SKAP1: variants seen among roughly 807,000 people sequenced by gnomAD.
SKAP1 encodes src kinase-associated phosphoprotein 1.
SKAP1 carries 44 observed loss-of-function variants against 58.5 expected under a neutral mutation model. The ratio of observed to expected loss-of-function variants is 0.75; its 90% CI spans 0.59 to 0.97. The LOEUF is 0.97. SKAP1 is among the 50% of genes least tolerant of loss of function. SKAP1 has a pLI of 0.00. For missense variants in SKAP1, 390 were observed against 435.2 expected (o/e 0.90, Z 0.92); for synonymous variants, 127 against 149.7 (o/e 0.85, Z 1.11).
At chr17:48,158,567 C>CAAAAAAAAAAAAAAAA (rs1171183021) in intron 11 of SKAP1, among the ~76,000 whole-genome samples, 3 of 61,520 alleles carry the variant, frequency 4.9e-5, no homozygotes, top group African/African-American at 6.8e-5. Flanking sequence ...GACTCTGTCT[C>CAAAAAAAAAAAAAAAA]AAAAAAAAAA....
intron 3 of SKAP1, among the ~76,000 whole-genome samples, chr17:48,361,119 CT>C (rs2066931511): frequency 1.3e-5 from 2 of 151,472 alleles, no homozygotes; most frequent in Non-Finnish European, 2.9e-5. Flanking sequence ...CTATACTATA[CT>C]ATACTGTACA....
chr17:48,359,109 A>G (rs7210802), intron 3 of SKAP1, among the ~76,000 whole-genome samples: 54 of 152,298 alleles, frequency 3.5e-4, no homozygotes, highest in African/African-American at 1.2e-3. Flanking sequence ...TTTTTAATCA[A>G]TCTCAACCTT....
At chr17:48,351,512 T>A (rs1010369285) in intron 3 of SKAP1, among the ~76,000 whole-genome samples, 3 of 151,922 alleles carry the variant, frequency 2.0e-5, no homozygotes, top group Non-Finnish European at 4.4e-5. Flanking sequence ...TGGCAGTGAG[T>A]GTAATGGTAC....
chr17:48,260,096 A>G lies in SKAP1; in HGVS notation c.281-70596T>C, dbSNP rs544804640. 2.0e-5 allele frequency among the ~76,000 whole-genome samples: 3 copies of G among 152,312 alleles called. No individual in the cohort carries two copies. In the South Asian group the frequency reaches 6.2e-4, roughly 32 times the overall value. ...TTAATGAAGACAACCATAGCATGAA[A>G]AGTGAGCAGCATGGATGACAAAATT... On this transcript the variant is annotated intron_variant, in intron 4 of 12. Transcript: ENST00000336915.
At chr17:48,387,190 G>A (rs1176311999) in intron 2 of SKAP1, among the ~76,000 whole-genome samples, 1 of 152,178 alleles carries the variant, frequency 6.6e-6, no homozygotes, top group Non-Finnish European at 1.5e-5. Context: ...TAATCTCCCT[G>A]TTAAATATAA....
At chr17:48,324,986 T>G (rs1024770247) in intron 4 of SKAP1, among the ~76,000 whole-genome samples, 2 of 150,698 alleles carry the variant, frequency 1.3e-5, no homozygotes, top group African/African-American at 2.4e-5. Flanking sequence ...CGGTGGCTCA[T>G]GCCTGTAATC....
intron 4 of SKAP1, among the ~76,000 whole-genome samples, chr17:48,286,369 T>C (rs547183753): frequency 6.6e-6 from 1 of 152,372 alleles, no homozygotes; most frequent in East Asian, 1.9e-4. Context: ...GTATAAATTA[T>C]ATATTTTCAC....
chr17:48,433,863 G>A (rs1035913902), upstream of SKAP1, among the ~76,000 whole-genome samples: 2 of 152,168 alleles, frequency 1.3e-5, no homozygotes, highest in Non-Finnish European at 2.9e-5. Context: ...CATGCCAGGT[G>A]GGCACTCGCT....
chr17:48,186,640 TG>T (rs2064457374), intron 6 of SKAP1, among the ~76,000 whole-genome samples: 1 of 152,152 alleles, frequency 6.6e-6, no homozygotes, highest in South Asian at 2.1e-4. Context: ...GGCTAATTTT[TG>T]TATTTTTAGT....
intron 10 of SKAP1, among the ~76,000 whole-genome samples, chr17:48,164,095 A>C (rs1475563538): frequency 6.6e-6 from 1 of 152,234 alleles, no homozygotes; most frequent in East Asian, 1.9e-4. Context: ...TGGGAGAAAT[A>C]TGTTAGTTAT....
chr17:48,367,578 A>ATGGATATAT (rs2067025197), intron 2 of SKAP1, among the ~76,000 whole-genome samples: 1 of 104,424 alleles, frequency 9.6e-6, no homozygotes, highest in Admixed American at 8.9e-5. Flanking sequence ...ATATATATAT[A>ATGGATATAT]ATCATACTGT....
At chr17:48,156,447 T>C (rs780536735) in intron 11 of SKAP1, 2 of 528,278 alleles carry the variant, frequency 3.8e-6, no homozygotes, top group Admixed American at 3.9e-5. Flanking sequence ...CGCCACAATC[T>C]GGAGCCACTG....
chr17:48,157,860 A>G (rs1252056286), intron 11 of SKAP1, among the ~76,000 whole-genome samples: 2 of 150,098 alleles, frequency 1.3e-5, no homozygotes, highest in African/African-American at 2.4e-5. Context: ...CCAGTCAATC[A>G]TCTTCTCTGG....
chr17:48,194,998 GGT>G (rs1365318928), intron 4 of SKAP1, among the ~76,000 whole-genome samples: 2 of 152,160 alleles, frequency 1.3e-5, no homozygotes, highest in African/African-American at 4.8e-5. Flanking sequence ...ACAGATGGCT[GGT>G]GTGTGTGCAT....
chr17:48,414,906 T>C (rs1050562125), intron 1 of SKAP1, among the ~76,000 whole-genome samples: 3 of 152,228 alleles, frequency 2.0e-5, no homozygotes, highest in Admixed American at 6.5e-5. Context: ...AAAGCTGCTC[T>C]TCTGTTTATT....
At chr17:48,421,891 A>G (rs1290534519) in intron 1 of SKAP1, among the ~76,000 whole-genome samples, 2 of 152,192 alleles carry the variant, frequency 1.3e-5, no homozygotes. Flanking sequence ...TAGACTCTGA[A>G]GGAAAGAAAT....
At chr17:48,240,599 G>T (rs1192904001) in intron 4 of SKAP1, among the ~76,000 whole-genome samples, 1 of 152,144 alleles carries the variant, frequency 6.6e-6, no homozygotes, top group Non-Finnish European at 1.5e-5. Flanking sequence ...AAAACCTGAG[G>T]TTGTATGAGA....
intron 7 of SKAP1, among the ~76,000 whole-genome samples, chr17:48,184,035 C>G (rs762511948): frequency 5.9e-5 from 9 of 152,202 alleles, no homozygotes; most frequent in Non-Finnish European, 1.0e-4. Context: ...TGGTGAAAAT[C>G]ACTATATTTC....
chr17:48,290,375 T>C (rs372604481), intron 4 of SKAP1, among the ~76,000 whole-genome samples: 1 of 152,356 alleles, frequency 6.6e-6, no homozygotes, highest in African/African-American at 2.4e-5. Context: ...CACTGAACAC[T>C]CATTCCAACT....
Sources: allele counts gnomAD v4.1 joint callset (sites outside exome capture counted in the v4.1 genomes callset), GRCh38; gene constraint gnomAD v4.1.1; transcripts MANE v1.5; gene names NCBI Gene and HGNC (gene_info 2026-07-23, HGNC 2026-07-21).